Variants in EML6 observed in about 807,000 individuals in gnomAD.
The protein encoded by EML6 is EMAP like 6, also known as echinoderm microtubule-associated protein-like 6.
A neutral mutation model predicts 240.1 loss-of-function variants in EML6; 154 were observed. The observed-to-expected ratio is 0.64, with a 90% CI of 0.56 to 0.73. The LOEUF (loss-of-function observed/expected upper bound fraction) is 0.73, where lower values mean the gene tolerates loss of function less well. EML6 is among the 30% of genes least tolerant of loss of function. The probability of loss-of-function intolerance (pLI) is 0.00; values close to 1 mark genes in which losing one functional copy is unlikely to be tolerated. For synonymous variants in EML6, 1,148 were observed against 899.0 expected (o/e 1.28, Z -4.95); for missense variants, 2,964 against 2,474.6 (o/e 1.20, Z -4.20).
chr2:54,905,311 T>C (rs1452147244), intron 24 of EML6, among the ~76,000 whole-genome samples: 2 of 144,168 alleles, frequency 1.4e-5, no homozygotes, highest in East Asian at 4.1e-4. Context: ...ATTAACTTTA[T>C]TTAGAATCCG....
At chr2:54,838,741 C>T (rs752723853) in intron 7 of EML6, among the ~76,000 whole-genome samples, 4 of 152,198 alleles carry the variant, frequency 2.6e-5, no homozygotes, top group Non-Finnish European at 5.9e-5. Context: ...CTACCGCCAT[C>T]TGCTGGCTCT....
intron 26 of EML6, 21 bp downstream of exon 26, chr2:54,916,956 TC>T: frequency 6.6e-7 from 1 of 1,509,590 alleles, no homozygotes; most frequent in South Asian, 1.2e-5. Context: ...GTGTTTATTA[TC>T]TTTACTTGCT....
In EML6 at chr2:54,959,225, G is replaced by A. The variant is rs568443652; in HGVS notation, c.4817G>A (p.Arg1606Gln). ...GPVFTMYTTL[R>Q]DGLIVTGGKE... ...GTGTTCACAATGTACACAACCCTTCGGGATGGACTCATAGTGACCGGCGGA... is the reference window on the plus strand; with the variant it reads ...GTGTTCACAATGTACACAACCCTTCAGGATGGACTCATAGTGACCGGCGGA... Residue 1606 changes from arginine (R) to glutamine (Q), a missense_variant, in exon 34 of 42, where the codon CGG becomes CAG. Coordinates refer to ENST00000356458, the MANE Select transcript of EML6 (RefSeq NM_001039753.4). The A allele has an allele frequency of 3.9e-5, 61 of 1,550,308 alleles. 1 individual carries two copies. The Middle Eastern group carries it at 1.3e-3, about 34-fold the overall frequency.
At chr2:54,723,807 G>A (rs1682787600) in intron 1 of EML6, 30 bp downstream of exon 1, 1 of 152,462 alleles carries the variant, frequency 6.6e-6, no homozygotes, top group South Asian at 2.1e-4. Context: ...CGGATGCTCC[G>A]CGGGCGAGGC....
At chr2:54,755,294 C>G (rs537000427) in intron 2 of EML6, among the ~76,000 whole-genome samples, 27 of 152,196 alleles carry the variant, frequency 1.8e-4, no homozygotes, top group Non-Finnish European at 3.7e-4. Flanking sequence ...GAGAATATAA[C>G]CTCTCTGACT....
At position 54,813,349 on chromosome 2, in the gene EML6, T is replaced by C. The variant is rs1667944997; in HGVS notation, c.315T>C (p.His105=). 6.4e-7 allele frequency: 1 copy of C among 1,551,738 alleles called. No homozygotes were observed. Among genetic ancestry groups the C allele is most frequent in the Non-Finnish European group, 8.7e-7 (1 of 1,146,862 alleles). ...VQTVSLLKDV[H]THGVACLAFD... ...CTGTGTCTCTTCTTAAAGATGTCCA[T>C]ACACATGGAGTTGCCTGCCTGGCTT... The change falls in exon 3 of 42, where the codon CAT becomes CAC. Residue 105 remains histidine, a synonymous_variant. Coordinates refer to ENST00000356458, the MANE Select transcript of EML6 (RefSeq NM_001039753.4).
Position 54,850,029 on chromosome 2 carries a change from G to C in EML6, c.1255G>C (p.Asp419His). ...EVIHEMKFSPDGSYLAVGSND... is the reference protein window; with the variant it reads ...EVIHEMKFSPHGSYLAVGSND... ...CATTCATGAAATGAAATTTTCTCCA[G>C]ATGGTTCTTACCTTGCAGTGGGATC... is the stretch of plus-strand genomic sequence containing the variant. The change falls in exon 10 of 42, where the codon GAT (aspartate) becomes CAT (histidine). Residue 419 changes from aspartate (D) to histidine (H), a missense_variant. Coordinates refer to ENST00000356458, the MANE Select transcript of EML6 (RefSeq NM_001039753.4). 1.9e-6 allele frequency: 3 copies of C among 1,551,778 alleles called. No individual in the cohort carries two copies. The highest frequency in any genetic ancestry group is 2.6e-6 in the Non-Finnish European group (3 of 1,146,922).
At chr2:54,830,409 A>G (rs1668810603) in intron 7 of EML6, among the ~76,000 whole-genome samples, 1 of 152,070 alleles carries the variant, frequency 6.6e-6, no homozygotes, top group Non-Finnish European at 1.5e-5. Context: ...CGTTGTTGTG[A>G]AGGGGAATCT....
At chr2:54,935,421 C>T (rs546535453) in intron 28 of EML6, among the ~76,000 whole-genome samples, 7 of 152,336 alleles carry the variant, frequency 4.6e-5, no homozygotes, top group Admixed American at 2.0e-4. Flanking sequence ...TAATTACTAT[C>T]ATTTGTAACT....
chr2:54,880,768 A>G (rs1419137244), intron 17 of EML6: 2 of 152,170 alleles, frequency 1.3e-5, no homozygotes, highest in Admixed American at 6.5e-5. Flanking sequence ...CCCCCAGACT[A>G]AAATACAGAA....
chr2:54,839,088 T>C (rs533053549), intron 7 of EML6, among the ~76,000 whole-genome samples: 29 of 152,334 alleles, frequency 1.9e-4, no homozygotes, highest in Non-Finnish European at 3.1e-4. Flanking sequence ...TGGGACATCA[T>C]GATTACATTT....
intron 13 of EML6, among the ~76,000 whole-genome samples, chr2:54,865,977 G>C (rs1421565601): frequency 6.6e-6 from 1 of 151,794 alleles, no homozygotes; most frequent in East Asian, 1.9e-4. Context: ...CATGAATTAA[G>C]TTGAATAATA....
At chr2:54,923,528 C>A (rs1367893205) in intron 26 of EML6, among the ~76,000 whole-genome samples, 1 of 152,108 alleles carries the variant, frequency 6.6e-6, no homozygotes, top group African/African-American at 2.4e-5. Context: ...AATTATACCT[C>A]AGTAAAGCTG....
chr2:54,845,103 C>T (rs548593054), intron 8 of EML6, among the ~76,000 whole-genome samples: 2 of 152,296 alleles, frequency 1.3e-5, no homozygotes, highest in African/African-American at 4.8e-5. Context: ...TAGTTCCCAC[C>T]TCCCTTATTT....
intron 26 of EML6, among the ~76,000 whole-genome samples, chr2:54,922,368 G>A (rs1400975773): frequency 6.6e-6 from 1 of 152,138 alleles, no homozygotes; most frequent in Non-Finnish European, 1.5e-5. Flanking sequence ...ACACCTGTTA[G>A]GATGTCTATT....
intron 21 of EML6, among the ~76,000 whole-genome samples, chr2:54,898,829 T>A (rs1356835246): frequency 6.6e-6 from 1 of 152,234 alleles, no homozygotes. Context: ...GTAGCACTAA[T>A]CTTTACACAC....
intron 21 of EML6, among the ~76,000 whole-genome samples, chr2:54,899,206 C>A (rs1672929366): frequency 6.6e-6 from 1 of 152,162 alleles, no homozygotes; most frequent in African/African-American, 2.4e-5. Flanking sequence ...ATGGGTCGTA[C>A]CTGCATCTTT....
intron 2 of EML6, among the ~76,000 whole-genome samples, chr2:54,733,531 T>C (rs1455503994): frequency 6.6e-6 from 1 of 152,188 alleles, no homozygotes; most frequent in Non-Finnish European, 1.5e-5. Context: ...CTTTCTCTAA[T>C]TATTTCTCTT....
intron 28 of EML6, among the ~76,000 whole-genome samples, chr2:54,933,306 G>A (rs188959105): frequency 6.6e-6 from 1 of 152,144 alleles, no homozygotes; most frequent in African/African-American, 2.4e-5. Context: ...CCATAGACTA[G>A]CAATGTAATC....
Sources: allele counts gnomAD v4.1 joint callset (sites outside exome capture counted in the v4.1 genomes callset), GRCh38; gene constraint gnomAD v4.1.1; transcripts MANE v1.5; gene names NCBI Gene and HGNC (gene_info 2026-07-23, HGNC 2026-07-21).